SDCCAG8: variants seen among roughly 807,000 people sequenced by gnomAD.
The protein encoded by SDCCAG8 is serologically defined colon cancer antigen 8.
In SDCCAG8, 74 loss-of-function variants were observed where a neutral mutation model predicts 101.8. The ratio of observed to expected loss-of-function variants is 0.73; its 90% confidence interval spans 0.60 to 0.88. The LOEUF (loss-of-function observed/expected upper bound fraction) is 0.88, where lower values mean the gene tolerates loss of function less well. Ranked by LOEUF, SDCCAG8 falls within the 40% of genes least tolerant of loss-of-function variation. The probability of loss-of-function intolerance (pLI) is 0.00; values close to 1 mark genes in which losing one functional copy is unlikely to be tolerated. For synonymous variants in SDCCAG8, 281 were observed against 292.9 expected, an observed-to-expected ratio of 0.96 and a Z score of 0.41; for missense variants, 787 against 822.6, an observed-to-expected ratio of 0.96 and a Z score of 0.53.
At chr1:243,353,911 A>G (rs1471515864) in intron 12 of SDCCAG8, among the ~76,000 whole-genome samples, 1 of 152,192 alleles carries the variant, frequency 6.6e-6, no homozygotes, top group East Asian at 1.9e-4. Flanking sequence ...ACATAAATAA[A>G]ATGTCATTTT....
Position 243,458,472 on chromosome 1 carries a change from C to T in SDCCAG8, c.1986-30542C>T, listed in dbSNP as rs187499455. On this transcript the variant is annotated intron_variant, in intron 16 of 17. Coordinates refer to ENST00000366541, the MANE Select transcript of SDCCAG8 (RefSeq NM_006642.5). The surrounding 1 kb of genome is among the most constrained non-coding windows in gnomAD (Gnocchi z 4.5). ...GTAGTAGCAGCAGCTAACTTTAGAG[C>T]GTGCTTGCTATGTACCAGCTCCTCT... Among the ~76,000 whole-genome samples the T allele has an allele frequency of 4.4e-4, 67 of 152,164 alleles. No homozygotes were observed. The highest frequency in any genetic ancestry group is 1.5e-3 in the African/African-American group (62 of 41,522).
At chr1:243,319,665 G>A (rs370315965) in intron 9 of SDCCAG8, among the ~76,000 whole-genome samples, 5 of 152,072 alleles carry the variant, frequency 3.3e-5, no homozygotes, top group Admixed American at 1.3e-4. Context: ...GAGCCACCGC[G>A]CCTGGCCCCT....
At chr1:243,289,628 T>TA (rs1368353463) in intron 5 of SDCCAG8, among the ~76,000 whole-genome samples, 23 of 152,154 alleles carry the variant, frequency 1.5e-4, no homozygotes, top group Admixed American at 1.5e-3. Flanking sequence ...TTCAGAGGAG[T>TA]AAATTAAGGT....
At chr1:243,352,413 A>T (rs952415103) in intron 12 of SDCCAG8, among the ~76,000 whole-genome samples, 1 of 152,104 alleles carries the variant, frequency 6.6e-6, no homozygotes, top group Non-Finnish European at 1.5e-5. Flanking sequence ...TTCTTTGAAC[A>T]TTTTTTTGCA....
intron 1 of SDCCAG8, chr1:243,268,053 T>C: frequency 2.6e-6 from 2 of 767,064 alleles, no homozygotes; most frequent in Non-Finnish European, 4.8e-6. Flanking sequence ...TCTTTAAGCC[T>C]CTGATCTCTG....
At chr1:243,257,199 A>G (rs941852322) in intron 1 of SDCCAG8, among the ~76,000 whole-genome samples, 1 of 152,262 alleles carries the variant, frequency 6.6e-6, no homozygotes, top group Non-Finnish European at 1.5e-5. Flanking sequence ...ATATGTGTAC[A>G]TATAAACTAT....
chr1:243,295,962 T>C (rs1167661624), intron 6 of SDCCAG8, among the ~76,000 whole-genome samples: 1 of 152,184 alleles, frequency 6.6e-6, no homozygotes, highest in African/African-American at 2.4e-5. Context: ...TTTCTTTCTC[T>C]TGTATCTTTT....
chr1:243,477,716 A>T (rs543000620), intron 16 of SDCCAG8, among the ~76,000 whole-genome samples: 1 of 152,350 alleles, frequency 6.6e-6, no homozygotes, highest in East Asian at 1.9e-4. Context: ...GAGCTTGAAG[A>T]GCTGAAAGTG....
At chr1:243,326,852 T>A (rs1573315645) in intron 9 of SDCCAG8, among the ~76,000 whole-genome samples, 1 of 152,216 alleles carries the variant, frequency 6.6e-6, no homozygotes, top group East Asian at 1.9e-4. Context: ...AAAATTTTAG[T>A]TGACTAGATA....
intron 13 of SDCCAG8, among the ~76,000 whole-genome samples, chr1:243,408,158 G>C (rs2147993236): frequency 6.6e-6 from 1 of 152,272 alleles, no homozygotes. Context: ...AGGATACTTA[G>C]TACTTTCCGT....
At chr1:243,426,701 T>C (rs1400261774) in intron 16 of SDCCAG8, 143 bp downstream of exon 16, 1 of 1,011,764 alleles carries the variant, frequency 9.9e-7, no homozygotes, top group Non-Finnish European at 1.5e-6. Context: ...CTTTATTTTA[T>C]GTATTTATGC....
At chr1:243,389,914 T>C (rs2078596914) in intron 13 of SDCCAG8, among the ~76,000 whole-genome samples, 1 of 152,162 alleles carries the variant, frequency 6.6e-6, no homozygotes, top group African/African-American at 2.4e-5. Flanking sequence ...GTCTCTTTCA[T>C]CTCTGTGCCC....
chr1:243,365,173 A>G (rs1159473606), intron 12 of SDCCAG8, among the ~76,000 whole-genome samples: 2 of 152,124 alleles, frequency 1.3e-5, no homozygotes, highest in East Asian at 3.9e-4. Flanking sequence ...GTTTAACTTC[A>G]CTGGATCCCA....
chr1:243,258,760 G>A (rs563855821), intron 1 of SDCCAG8, among the ~76,000 whole-genome samples: 2 of 152,292 alleles, frequency 1.3e-5, no homozygotes, highest in East Asian at 3.9e-4. Flanking sequence ...CTGGAGTTAT[G>A]TGGAAATTCC....
intron 11 of SDCCAG8, 126 bp downstream of exon 11, chr1:243,341,299 C>G (rs1211900549): frequency 9.6e-7 from 1 of 1,042,176 alleles, no homozygotes; most frequent in African/African-American, 1.6e-5. Context: ...TTTGTGATTT[C>G]AAGAATAATA....
chr1:243,285,557 C>G (rs1166134996), intron 4 of SDCCAG8, among the ~76,000 whole-genome samples: 1 of 152,050 alleles, frequency 6.6e-6, no homozygotes, highest in Admixed American at 6.5e-5. Flanking sequence ...TGTACAATAG[C>G]TTTTGATTGC....
intron 16 of SDCCAG8, among the ~76,000 whole-genome samples, chr1:243,465,462 T>C (rs368460873): frequency 6.6e-6 from 1 of 152,252 alleles, no homozygotes; most frequent in African/African-American, 2.4e-5. Context: ...TAAATCAATT[T>C]TGAATGTACT....
At position 243,385,367 on chromosome 1, in the gene SDCCAG8, G is replaced by A. The variant is rs1452507634; in HGVS notation, c.1616+6504G>A. 3.9e-5 allele frequency among the ~76,000 whole-genome samples: 6 copies of A among 152,282 alleles called. No individual in the cohort carries two copies. The East Asian group carries it at 1.2e-3, about 29-fold the overall frequency. ...ATGGCACTGCTGCACTCCAGCCTGG[G>A]CAACAGAGCAAGACCTTGTCTCTAA... is the stretch of plus-strand genomic sequence containing the variant. On this transcript the variant is annotated intron_variant, in intron 13 of 17. Transcript: ENST00000366541.
At position 243,357,068 on chromosome 1, in the gene SDCCAG8, T is replaced by G. The variant is rs1006503974; in HGVS notation, c.1473+12737T>G. Among the ~76,000 whole-genome samples, 5 of 152,126 alleles carry G rather than the reference T, an allele frequency of 3.3e-5. No homozygotes were observed. The South Asian group carries it at 6.2e-4, about 19-fold the overall frequency. On this transcript the variant is annotated intron_variant, in intron 12 of 17. Transcript: ENST00000366541. The stretch of plus-strand genomic sequence containing the variant: ...TTTCAGAAGATGCTTCTTACCCACA[T>G]AGCAATGGAATTTATGAAGGTAACT...
Sources: allele counts gnomAD v4.1 joint callset (sites outside exome capture counted in the v4.1 genomes callset), GRCh38; gene constraint gnomAD v4.1.1; non-coding constraint Gnocchi (gnomAD v3.1); transcripts MANE v1.5; gene names NCBI Gene and HGNC (gene_info 2026-07-23, HGNC 2026-07-21).